The following RSPO2 variants were observed in gnomAD, a reference collection of about 807,000 sequenced individuals.
RSPO2 encodes the protein R-spondin-2.
Under a neutral mutation model 30.9 loss-of-function variants are expected in RSPO2, and 14 were observed. That is an observed-to-expected ratio of 0.45 (90% CI 0.30 to 0.71). RSPO2 has a LOEUF of 0.71. Ranked by LOEUF, RSPO2 falls within the 30% of genes least tolerant of loss-of-function variation. RSPO2 has a pLI of 0.08. For synonymous variants in RSPO2, 107 were observed against 96.4 expected (o/e 1.11, Z -0.64); for missense variants, 264 against 301.9 (o/e 0.87, Z 0.93).
intron 2 of RSPO2, 78 bp downstream of exon 2, chr8:108,082,467 C>T (rs1408398587): frequency 8.9e-7 from 1 of 1,127,418 alleles, no homozygotes; most frequent in Non-Finnish European, 1.3e-6. Context: ...TCTGAGCCCC[C>T]GGAGCCAGGG....
At chr8:108,055,011 C>G (rs1184937725) in intron 2 of RSPO2, among the ~76,000 whole-genome samples, 1 of 152,106 alleles carries the variant, frequency 6.6e-6, no homozygotes. Context: ...GTCCCAGCTA[C>G]TCAGGGGGCT....
At chr8:108,061,214 G>A (rs1317526948) in intron 2 of RSPO2, among the ~76,000 whole-genome samples, 2 of 151,782 alleles carry the variant, frequency 1.3e-5, no homozygotes, top group Non-Finnish European at 2.9e-5. Context: ...TGGGCTATAT[G>A]CTCCAATTAA....
At chr8:107,993,319 C>G (rs1395285304) in intron 2 of RSPO2, among the ~76,000 whole-genome samples, 1 of 152,060 alleles carries the variant, frequency 6.6e-6, no homozygotes, top group East Asian at 1.9e-4. Flanking sequence ...TAGGAAGAAA[C>G]AATCCGAATA....
At chr8:108,013,961 G>A (rs1267481435) in intron 2 of RSPO2, among the ~76,000 whole-genome samples, 5 of 151,980 alleles carry the variant, frequency 3.3e-5, no homozygotes, top group Non-Finnish European at 1.5e-5. Flanking sequence ...TCTGACAAAG[G>A]GCTAATATCC....
chr8:107,909,687 A>G (rs1811761525), intron 5 of RSPO2, among the ~76,000 whole-genome samples: 1 of 152,184 alleles, frequency 6.6e-6, no homozygotes, highest in Non-Finnish European at 1.5e-5. Flanking sequence ...ACCTCATCCT[A>G]ACTCTGAAAC....
rs200861033 is a variant in RSPO2, at chr8:107,951,050, T to G, written c.616+7030A>C. On this transcript the variant is annotated intron_variant, in intron 5 of 5. Coordinates refer to ENST00000276659, the MANE Select transcript of RSPO2 (RefSeq NM_178565.5). ...AGGCGATAGGGAGAATAAGTTTTTT[T>G]TTGTTGTTGTTGTTGTTGTTGTTGT... Among the ~76,000 whole-genome samples the G allele has an allele frequency of 1.6e-3, 114 of 69,864 alleles. 1 individual carries two copies. Among genetic ancestry groups the G allele is most frequent in the Middle Eastern group, 0.014 (2 of 140 alleles). The allele number at this position is 69,864 out of a possible 152,430, so 45.8% of individuals were successfully genotyped here.
chr8:107,946,323 T>C (rs1225983822), intron 5 of RSPO2, among the ~76,000 whole-genome samples: 3 of 152,208 alleles, frequency 2.0e-5, no homozygotes, highest in Admixed American at 6.5e-5. Context: ...TCTGTCTGAA[T>C]GTGAGGAAAA....
At chr8:107,971,003 C>A (rs1054019658) in intron 3 of RSPO2, among the ~76,000 whole-genome samples, 1 of 152,208 alleles carries the variant, frequency 6.6e-6, no homozygotes, top group Non-Finnish European at 1.5e-5. Flanking sequence ...ATGCATGTTA[C>A]CTGCTTTGTA....
At chr8:107,964,318 C>T (rs1238837050) in intron 3 of RSPO2, among the ~76,000 whole-genome samples, 1 of 152,278 alleles carries the variant, frequency 6.6e-6, no homozygotes, top group African/African-American at 2.4e-5. Flanking sequence ...TCTCGGCTCA[C>T]TGCGACCTCT....
intron 2 of RSPO2, among the ~76,000 whole-genome samples, chr8:108,064,382 C>G (rs1210668349): frequency 6.6e-6 from 1 of 152,172 alleles, no homozygotes; most frequent in Non-Finnish European, 1.5e-5. Context: ...AGATACTTCT[C>G]AAAAGAAGAC....
At chr8:107,939,587 C>T (rs1812827985) in intron 5 of RSPO2, among the ~76,000 whole-genome samples, 1 of 150,656 alleles carries the variant, frequency 6.6e-6, no homozygotes, top group East Asian at 2.0e-4. Context: ...GAGCACAGCT[C>T]GAATTGCTGA....
chr8:107,958,239 A>G lies in RSPO2; in HGVS notation c.457T>C (p.Trp153Arg). ...CGATTATTTCTGCTACAAGTTCCCCATTCGCTCCAATGACCAACTTCACAT... is the reference window on the plus strand; with the variant it reads ...CGATTATTTCTGCTACAAGTTCCCCGTTCGCTCCAATGACCAACTTCACAT... Reference protein sequence around the residue: ...EGCEVGHWSEWGTCSRNNRTC... With the variant: ...EGCEVGHWSERGTCSRNNRTC... Residue 153 changes from tryptophan to arginine, a missense_variant, in exon 5 of 6, where the codon TGG (tryptophan) becomes CGG (arginine). Trp to Arg is a moderately radical substitution (Grantham distance 101). Transcript: ENST00000276659. 6.2e-7 allele frequency: 1 copy of G among 1,613,574 alleles called. No individual in the cohort carries two copies.
intron 5 of RSPO2, among the ~76,000 whole-genome samples, chr8:107,928,102 T>TTA (rs937815117): frequency 2.4e-4 from 36 of 152,182 alleles, no homozygotes; most frequent in Non-Finnish European, 2.9e-5. Context: ...AAAAGTATTT[T>TTA]AGAGACCCAT....
chr8:108,082,715 C>A lies in RSPO2; in HGVS notation c.-77G>T. Reference sequence around the variant, plus strand: ...GTTCGCCCAAAGAGCCGGCGCCGGCCGCGCTGCTGGGGAGGACTCAGAGGG... The same window carrying A: ...GTTCGCCCAAAGAGCCGGCGCCGGCAGCGCTGCTGGGGAGGACTCAGAGGG... On this transcript the variant is annotated 5_prime_UTR_variant, in exon 2 of 6. Transcript: ENST00000276659. 7.7e-7 allele frequency: 1 copy of A among 1,290,506 alleles called. No individual in the cohort carries two copies. The highest frequency in any genetic ancestry group is 1.5e-5 in the African/African-American group (1 of 68,786). 79.9% of individuals were successfully genotyped at this position (1,290,506 alleles called of 1,614,324 possible).
At chr8:107,901,730 T>C (rs1353836725) in intron 5 of RSPO2, among the ~76,000 whole-genome samples, 1 of 152,248 alleles carries the variant, frequency 6.6e-6, no homozygotes, top group Non-Finnish European at 1.5e-5. Context: ...TCTATAAAAA[T>C]TCATGGAGAC....
rs566583477 is a variant in RSPO2, at chr8:107,930,070, T to C, written c.616+28010A>G. On this transcript the variant is annotated intron_variant, in intron 5 of 5. Coordinates refer to ENST00000276659, the MANE Select transcript of RSPO2 (RefSeq NM_178565.5). ...ATCTATATTCCTTAGTGGACTGACA[T>C]TATCAACATCATTGCTAATTACCAT... is the stretch of plus-strand genomic sequence containing the variant. 2.4e-4 allele frequency among the ~76,000 whole-genome samples: 36 copies of C among 152,310 alleles called. No homozygotes were observed. The South Asian group carries it at 7.5e-3, about 32-fold the overall frequency.
chr8:107,932,812 G>C (rs528074178), intron 5 of RSPO2, among the ~76,000 whole-genome samples: 6 of 152,102 alleles, frequency 3.9e-5, no homozygotes, highest in Non-Finnish European at 8.8e-5. Flanking sequence ...GAGAGAGAGA[G>C]AGAGCAAGGT....
chr8:107,923,295 C>T (rs1392303914), intron 5 of RSPO2, among the ~76,000 whole-genome samples: 4 of 152,068 alleles, frequency 2.6e-5, no homozygotes, highest in Admixed American at 2.6e-4. Context: ...AGATGACACA[C>T]ATGTGGCCAA....
chr8:107,998,335 G>A (rs1248771584), intron 2 of RSPO2, among the ~76,000 whole-genome samples: 2 of 152,088 alleles, frequency 1.3e-5, no homozygotes, highest in Non-Finnish European at 2.9e-5. Context: ...GATCTTGGCA[G>A]CAGTGGTATA....
Sources: gnomAD v4.1 joint callset for allele counts (sites outside exome capture counted in the v4.1 genomes callset) on GRCh38, gnomAD v4.1.1 for gene constraint, MANE v1.5 for transcripts, NCBI Gene and HGNC (gene_info 2026-07-23, HGNC 2026-07-21) for gene names.